NDST3: variants seen among roughly 807,000 people sequenced by gnomAD.
NDST3 encodes N-deacetylase and N-sulfotransferase 3, also known as bifunctional heparan sulfate N-deacetylase/N-sulfotransferase 3.
In NDST3, 58 loss-of-function variants were observed where a neutral mutation model predicts 96.1. That is an observed-to-expected ratio of 0.60 (90% CI 0.49 to 0.75). The LOEUF (loss-of-function observed/expected upper bound fraction) is 0.75, where lower values mean the gene tolerates loss of function less well. Ranked by LOEUF, NDST3 falls within the 30% of genes least tolerant of loss-of-function variation. The pLI is 0.00. For synonymous variants in NDST3, 333 were observed against 359.7 expected (o/e 0.93, Z 0.84); for missense variants, 788 against 1,034.2 (o/e 0.76, Z 3.27).
intron 6 of NDST3, among the ~76,000 whole-genome samples, chr4:118,162,985 A>C (rs1482430440): frequency 6.6e-6 from 1 of 150,654 alleles, no homozygotes; most frequent in African/African-American, 2.4e-5. Context: ...ATGCAGCCAA[A>C]AAACACATGA....
At chr4:118,230,144 T>C (rs909368694) in intron 8 of NDST3, among the ~76,000 whole-genome samples, 1 of 152,236 alleles carries the variant, frequency 6.6e-6, no homozygotes, top group Admixed American at 6.5e-5. Context: ...ACATGCTTTT[T>C]CTACTTTACC....
intron 12 of NDST3, among the ~76,000 whole-genome samples, chr4:118,251,136 T>A (rs1172867877): frequency 3.5e-5 from 5 of 143,202 alleles, no homozygotes; most frequent in African/African-American, 1.3e-4. Flanking sequence ...TTTTATTTTT[T>A]TTTTTTTTGA....
chr4:118,231,755 T>A (rs1306035527), intron 8 of NDST3, among the ~76,000 whole-genome samples: 1 of 152,232 alleles, frequency 6.6e-6, no homozygotes, highest in Admixed American at 6.5e-5. Flanking sequence ...TATATTATGA[T>A]CTTTTAAACA....
At chr4:118,246,201 C>T (rs560513769) in intron 12 of NDST3, among the ~76,000 whole-genome samples, 1 of 152,144 alleles carries the variant, frequency 6.6e-6, no homozygotes, top group East Asian at 1.9e-4. Context: ...ATTGAAATAC[C>T]ACTACATACC....
chr4:118,155,662 C>T (rs1256884856), intron 6 of NDST3, among the ~76,000 whole-genome samples: 3 of 152,140 alleles, frequency 2.0e-5, no homozygotes, highest in African/African-American at 7.2e-5. Context: ...AGGAAATTAA[C>T]TCTTGTTTAG....
chr4:118,059,242 G>A (rs1003981566), intron 2 of NDST3, among the ~76,000 whole-genome samples: 2 of 152,034 alleles, frequency 1.3e-5, no homozygotes, highest in African/African-American at 4.8e-5. Context: ...CTTTCTGGAG[G>A]TACTCAACAG....
intron 2 of NDST3, among the ~76,000 whole-genome samples, chr4:118,078,548 C>T (rs1259412843): frequency 6.6e-6 from 1 of 152,074 alleles, no homozygotes; most frequent in Non-Finnish European, 1.5e-5. Context: ...GTCAGGAGCT[C>T]GAGACCAGCC....
intron 2 of NDST3, among the ~76,000 whole-genome samples, chr4:118,075,237 T>C (rs1348799829): frequency 1.3e-5 from 2 of 152,228 alleles, no homozygotes; most frequent in African/African-American, 2.4e-5. Context: ...GAACTCATTA[T>C]TTTTTATGGC....
intron 12 of NDST3, among the ~76,000 whole-genome samples, chr4:118,251,367 C>T (rs1363211577): frequency 6.6e-6 from 1 of 151,742 alleles, no homozygotes; most frequent in African/African-American, 2.4e-5. Context: ...ACCTCGTGAT[C>T]CGCCTGCCTC....
Position 118,212,279 on chromosome 4 carries a change from T to TA in NDST3, c.1540-12210dup, listed in dbSNP as rs540251209. Reference sequence around the variant, plus strand: ...AGAGAAAGGCCAGGCCTCATGCCTGTAATCCCATCACTTAGTGGGGGCAAG... The same window carrying TA: ...AGAGAAAGGCCAGGCCTCATGCCTGTAAATCCCATCACTTAGTGGGGGCAAG... On this transcript the variant is annotated intron_variant, in intron 6 of 13. Transcript: ENST00000296499. 9.8e-5 allele frequency among the ~76,000 whole-genome samples: 15 copies of TA among 152,330 alleles called. No individual in the cohort carries two copies. The South Asian group carries it at 3.1e-3, about 32-fold the overall frequency.
intron 4 of NDST3, among the ~76,000 whole-genome samples, chr4:118,126,451 C>T (rs1273829067): frequency 6.6e-6 from 1 of 150,962 alleles, no homozygotes; most frequent in African/African-American, 2.4e-5. Flanking sequence ...GTAACTGAAT[C>T]CCATTCTTTT....
rs369262322 is a variant in NDST3, at chr4:118,063,114, C to T, written c.981+8223C>T. 3.4e-4 allele frequency among the ~76,000 whole-genome samples: 51 copies of T among 150,542 alleles called. 2 individuals are homozygous for T. The East Asian group carries it at 8.5e-3, about 25-fold the overall frequency. On this transcript the variant is annotated intron_variant, in intron 2 of 13. Transcript: ENST00000296499. ...CTGAGGCAGGAAAATAGCTTGAACC[C>T]GGGAGGTGGAGGTTGCAGTGAGCCG...
At chr4:118,160,959 T>G (rs528623816) in intron 6 of NDST3, among the ~76,000 whole-genome samples, 1 of 152,098 alleles carries the variant, frequency 6.6e-6, no homozygotes, top group African/African-American at 2.4e-5. Context: ...CTTTTTAGAG[T>G]TTCCAGTTTT....
intron 6 of NDST3, among the ~76,000 whole-genome samples, chr4:118,169,959 C>G (rs1735822711): frequency 6.6e-6 from 1 of 152,038 alleles, no homozygotes; most frequent in African/African-American, 2.4e-5. Flanking sequence ...TCCATGTGAT[C>G]TTTACCGGGG....
chr4:118,127,752 A>C (rs1238296550), intron 4 of NDST3, among the ~76,000 whole-genome samples: 1 of 152,076 alleles, frequency 6.6e-6, no homozygotes, highest in Non-Finnish European at 1.5e-5. Context: ...TTTGATAAAG[A>C]TTTCATTGAA....
intron 6 of NDST3, among the ~76,000 whole-genome samples, chr4:118,185,845 T>C (rs1319637716): frequency 6.6e-6 from 1 of 152,196 alleles, no homozygotes; most frequent in South Asian, 2.1e-4. Flanking sequence ...GTTCACTATG[T>C]ATAGAGAACC....
chr4:118,252,126 A>T (rs1466878494), intron 12 of NDST3, among the ~76,000 whole-genome samples: 1 of 152,224 alleles, frequency 6.6e-6, no homozygotes, highest in East Asian at 1.9e-4. Context: ...AAATAATTCT[A>T]ATTGAGAAGA....
rs112369279 is a variant in NDST3 at position 118,043,644 on chromosome 4, A to T, written c.-156+9052A>T. Among the ~76,000 whole-genome samples the T allele has an allele frequency of 4.0e-3, 613 of 152,324 alleles. 5 individuals are homozygous for T. The highest frequency in any genetic ancestry group is 8.0e-3 in the African/African-American group (334 of 41,574). On this transcript the variant is annotated intron_variant, in intron 1 of 13. Transcript: ENST00000296499. ...GAAGTCTGTAACTTTGCCTTTGCCT[A>T]CTGCTACGGTGCCACCTTCCACAGG...
intron 9 of NDST3, among the ~76,000 whole-genome samples, chr4:118,236,540 T>A (rs1297171523): frequency 6.6e-6 from 1 of 152,244 alleles, no homozygotes; most frequent in East Asian, 1.9e-4. Context: ...AGATATACTC[T>A]GCATCTTTCA....
Sources: gnomAD v4.1 joint callset for allele counts (sites outside exome capture counted in the v4.1 genomes callset) on GRCh38, gnomAD v4.1.1 for gene constraint, MANE v1.5 for transcripts, NCBI Gene and HGNC (gene_info 2026-07-23, HGNC 2026-07-21) for gene names.